Variants in PCDH15 observed in about 807,000 individuals in gnomAD.
PCDH15 encodes the protein protocadherin related 15.
A neutral mutation model predicts 178.5 loss-of-function variants in PCDH15; 129 were observed. The ratio of observed to expected loss-of-function variants is 0.72; its 90% CI spans 0.63 to 0.84. PCDH15 has a LOEUF of 0.84. Among genes scored for constraint, PCDH15 ranks in the 40% least tolerant of loss-of-function variants. The pLI is 0.00. For synonymous variants in PCDH15, 800 were observed against 732.0 expected, an observed-to-expected ratio of 1.09 and a Z score of -1.50; for missense variants, 2,230 against 2,099.9, an observed-to-expected ratio of 1.06 and a Z score of -1.21.
intron 2 of PCDH15, among the ~76,000 whole-genome samples, chr10:55,342,961 T>G (rs1171881694): frequency 1.3e-5 from 2 of 152,084 alleles, no homozygotes; most frequent in Non-Finnish European, 2.9e-5. Flanking sequence ...ATAACCAAAT[T>G]TCCTATACTC....
chr10:54,676,546 G>T (rs188466387), intron 1 of PCDH15, among the ~76,000 whole-genome samples: 1 of 152,154 alleles, frequency 6.6e-6, no homozygotes, highest in Admixed American at 6.5e-5. Flanking sequence ...AAAAACAAAA[G>T]ATTGAACAAA....
At chr10:54,568,257 C>A (rs1380069995) in intron 2 of PCDH15, among the ~76,000 whole-genome samples, 2 of 151,928 alleles carry the variant, frequency 1.3e-5, no homozygotes, top group Non-Finnish European at 2.9e-5. Context: ...CTACATGGCA[C>A]AAGGCCTCCT....
chr10:53,847,477 C>G (rs2078049119), intron 28 of PCDH15, among the ~76,000 whole-genome samples: 2 of 152,048 alleles, frequency 1.3e-5, no homozygotes, highest in South Asian at 4.1e-4. Context: ...TCTACCCAGA[C>G]CATATCCTAA....
In PCDH15 at chr10:54,896,984, T is replaced by C. The variant is rs769641744; in HGVS notation, c.-29+466A>G. On this transcript the variant is annotated intron_variant, in intron 3 of 5. Coordinates refer to the PCDH15 transcript ENST00000458638. ...AAAAAGAACTCTTTCAGGGTCTTAC[T>C]ATAACCCAAATTCAGATTTTAGGTT... Among the ~76,000 whole-genome samples, 31 of 152,204 alleles carry C rather than the reference T, an allele frequency of 2.0e-4. 1 individual carries two copies. The highest frequency in any genetic ancestry group is 4.3e-4 in the Non-Finnish European group (29 of 68,028).
intron 1 of PCDH15, among the ~76,000 whole-genome samples, chr10:54,739,096 T>G (rs1944464951): frequency 6.6e-6 from 1 of 151,908 alleles, no homozygotes; most frequent in African/African-American, 2.4e-5. Flanking sequence ...TAAAGAACAT[T>G]GTAAAGGAAG....
intron 2 of PCDH15, among the ~76,000 whole-genome samples, chr10:55,068,656 C>T (rs1020052701): frequency 6.6e-6 from 1 of 151,938 alleles, no homozygotes; most frequent in African/African-American, 2.4e-5. Context: ...ATAGGGATTA[C>T]ATTAAATCTA....
chr10:55,185,852 A>G (rs928885966), intron 1 of PCDH15, among the ~76,000 whole-genome samples: 1 of 151,836 alleles, frequency 6.6e-6, no homozygotes, highest in African/African-American at 2.4e-5. Flanking sequence ...GGAAAAGAAC[A>G]GTACCTGTAA....
chr10:54,920,607 C>T (rs1564631021), intron 2 of PCDH15, among the ~76,000 whole-genome samples: 3 of 151,688 alleles, frequency 2.0e-5, no homozygotes, highest in Non-Finnish European at 2.9e-5. Flanking sequence ...TAATTATTCC[C>T]TGAATACTTT....
rs545923697 is a variant in PCDH15 at position 55,389,090 on chromosome 10, G to A, written c.-155-222439C>T. 3.9e-5 allele frequency among the ~76,000 whole-genome samples: 6 copies of A among 152,118 alleles called. No homozygotes were observed. The South Asian group carries it at 6.2e-4, about 16-fold the overall frequency. ...TTCAAACAATAACAAGAAGAATAAT[G>A]TGTAGGGTAAATGAACTCCCAATGA... is the stretch of plus-strand genomic sequence containing the variant. On this transcript the variant is annotated intron_variant, in intron 2 of 5. Transcript: ENST00000613346.
At chr10:53,947,386 T>G (rs1373131055) in intron 23 of PCDH15, among the ~76,000 whole-genome samples, 2 of 152,192 alleles carry the variant, frequency 1.3e-5, no homozygotes, top group Non-Finnish European at 2.9e-5. Context: ...ATAGATGCTA[T>G]AAAATTTCAC....
At chr10:54,633,716 G>C (rs1168097909) in intron 2 of PCDH15, among the ~76,000 whole-genome samples, 1 of 152,062 alleles carries the variant, frequency 6.6e-6, no homozygotes, top group African/African-American at 2.4e-5. Context: ...GGGAGTCTTC[G>C]TAATCTCCAA....
At chr10:54,313,537 G>A (rs932658109) in intron 8 of PCDH15, among the ~76,000 whole-genome samples, 1 of 152,046 alleles carries the variant, frequency 6.6e-6, no homozygotes, top group African/African-American at 2.4e-5. Flanking sequence ...AACCCAGGCT[G>A]CCAGAGCCAG....
chr10:55,627,225 T>G (rs1158935137), intron 2 of PCDH15, among the ~76,000 whole-genome samples: 2 of 151,638 alleles, frequency 1.3e-5, no homozygotes, highest in African/African-American at 4.8e-5. Context: ...GGGGAAAACT[T>G]TTGGGGGGAA....
intron 1 of PCDH15, among the ~76,000 whole-genome samples, chr10:55,282,282 C>G (rs1842754916): frequency 6.6e-6 from 1 of 152,178 alleles, no homozygotes; most frequent in Admixed American, 6.6e-5. Flanking sequence ...GTTTGTCTAT[C>G]TGCAGTACCT....
intron 15 of PCDH15, among the ~76,000 whole-genome samples, chr10:54,121,051 T>A (rs2095210206): frequency 8.1e-6 from 1 of 122,772 alleles, no homozygotes; most frequent in African/African-American, 2.9e-5. Flanking sequence ...ATAAAGCAAG[T>A]CTCAGCAAAT....
chr10:54,126,692 T>C (rs1287587612), intron 15 of PCDH15, among the ~76,000 whole-genome samples: 1 of 151,584 alleles, frequency 6.6e-6, no homozygotes, highest in Non-Finnish European at 1.5e-5. Flanking sequence ...ATACTTAACA[T>C]AAATATAATG....
chr10:54,164,187 C>T (rs1397055699), intron 13 of PCDH15, among the ~76,000 whole-genome samples: 2 of 152,122 alleles, frequency 1.3e-5, no homozygotes, highest in East Asian at 1.9e-4. Flanking sequence ...TATCTAATGA[C>T]TACTCTGGTA....
chr10:55,076,700 C>T (rs1458286737), intron 2 of PCDH15, among the ~76,000 whole-genome samples: 2 of 151,254 alleles, frequency 1.3e-5, no homozygotes, highest in Non-Finnish European at 2.9e-5. Flanking sequence ...CTCAGGCAAT[C>T]CACTCACTCA....
rs1404128869 is a variant in PCDH15 at position 55,282,495 on chromosome 10, G to T, written c.-156+37104C>A. Among the ~76,000 whole-genome samples the T allele has an allele frequency of 2.0e-5, 3 of 152,104 alleles. No homozygotes were observed. The East Asian group carries it at 5.8e-4, about 29-fold the overall frequency. On this transcript the variant is annotated intron_variant, in intron 1 of 5. Coordinates refer to the PCDH15 transcript ENST00000458638. ...TTACATTAAGTTTTAATAATTTGGT[G>T]AATATATACACATATATAAATTATC...
Sources: gnomAD v4.1 joint callset for allele counts (sites outside exome capture counted in the v4.1 genomes callset) on GRCh38, gnomAD v4.1.1 for gene constraint, MANE v1.5 for transcripts, NCBI Gene and HGNC (gene_info 2026-07-23, HGNC 2026-07-21) for gene names.